Variants in AQR observed in about 807,000 individuals in gnomAD.
AQR encodes the protein RNA helicase aquarius.
A neutral mutation model predicts 180.5 loss-of-function variants in AQR; 61 were observed. The ratio of observed to expected loss-of-function variants is 0.34; its 90% CI spans 0.28 to 0.42. The LOEUF is 0.42. Ranked by LOEUF, AQR falls within the 10% of genes least tolerant of loss-of-function variation. The pLI is 1.00. For synonymous variants in AQR, 551 were observed against 588.8 expected (o/e 0.94, Z 0.93); for missense variants, 1,281 against 1,798.3 (o/e 0.71, Z 5.20).
rs983355692 is a variant in AQR at position 34,855,585 on chromosome 15, A to C, written c.*1207T>G. The C allele has an allele frequency of 2.0e-5, 3 of 150,792 alleles. No individual in the cohort carries two copies. Among genetic ancestry groups the C allele is most frequent in the African/African-American group, 7.4e-5 (3 of 40,810 alleles). The allele number at this position is 150,792 out of a possible 1,614,324, so 9.3% of individuals were successfully genotyped here. ...CACCATGCCCAGGGACCTTGTAAGCAGAGGTCCCTTGTCAGAAAACATTAG... is the reference window on the plus strand; with the variant it reads ...CACCATGCCCAGGGACCTTGTAAGCCGAGGTCCCTTGTCAGAAAACATTAG... On this transcript the variant is annotated 3_prime_UTR_variant, in exon 35 of 35. Coordinates refer to ENST00000156471, the MANE Select transcript of AQR (RefSeq NM_014691.3).
At chr15:34,882,432 C>A in intron 27 of AQR, 70 bp downstream of exon 27, 1 of 1,339,918 alleles carries the variant, frequency 7.5e-7, no homozygotes, top group Non-Finnish European at 9.7e-7. Flanking sequence ...TAAATACGAA[C>A]TTCATAAGAA....
intron 16 of AQR, among the ~76,000 whole-genome samples, chr15:34,911,348 A>AT (rs1246468293): frequency 1.3e-5 from 2 of 152,098 alleles, no homozygotes; most frequent in Non-Finnish European, 2.9e-5. Context: ...CTGTTTTTTA[A>AT]TTTTTTGAGG....
At chr15:34,964,491 A>G in intron 1 of AQR, 1 of 674,962 alleles carries the variant, frequency 1.5e-6, no homozygotes, top group South Asian at 1.5e-5. Context: ...AGTGCTTTGC[A>G]CTACAACATG....
rs2050333636 is a variant in AQR at position 34,969,675 on chromosome 15, T to TTAAA, written c.-63_-62insTTTA. On this transcript the variant is annotated 5_prime_UTR_variant, in exon 1 of 35. Coordinates refer to ENST00000156471, the MANE Select transcript of AQR (RefSeq NM_014691.3). ...GGACCGCTCTGGGCAGCGGCAACCC[T>TTAAA]GGTCCACTTCCCTTAAGTTACTGCC... The TTAAA allele has an allele frequency of 6.5e-7, 1 of 1,546,560 alleles. No individual in the cohort carries two copies. Among genetic ancestry groups the TTAAA allele is most frequent in the Non-Finnish European group, 8.8e-7 (1 of 1,141,326 alleles).
intron 24 of AQR, among the ~76,000 whole-genome samples, chr15:34,889,916 A>G (rs1348336418): frequency 1.3e-5 from 2 of 152,226 alleles, no homozygotes; most frequent in Non-Finnish European, 2.9e-5. Flanking sequence ...TTGAACTGGC[A>G]GCATGAAAAA....
intron 12 of AQR, among the ~76,000 whole-genome samples, chr15:34,929,162 T>C (rs144624118): frequency 0.021 from 3,127 of 152,340 alleles, 114 homozygotes; most frequent in African/African-American, 0.071. Flanking sequence ...CTGATGATAG[T>C]TTCTTCTGCT....
intron 5 of AQR, among the ~76,000 whole-genome samples, chr15:34,946,477 A>G (rs1225284329): frequency 1.6e-4 from 12 of 75,324 alleles, no homozygotes; most frequent in Admixed American, 3.4e-4. Flanking sequence ...TCCAGGAGGG[A>G]GGTGGGGGGG....
intron 32 of AQR, 119 bp downstream of exon 32, chr15:34,867,405 A>G: frequency 1.3e-6 from 1 of 777,500 alleles, no homozygotes; most frequent in Non-Finnish European, 2.1e-6. Flanking sequence ...AAGCAGCAAA[A>G]GTTGCCTAGT....
At chr15:34,897,896 T>C (rs941556682) in intron 20 of AQR, among the ~76,000 whole-genome samples, 191 bp from the exon 21 acceptor site, 1 of 152,190 alleles carries the variant, frequency 6.6e-6, no homozygotes, top group Non-Finnish European at 1.5e-5. Context: ...AGTTTTCAAA[T>C]TTAAAAAAGT....
intron 5 of AQR, among the ~76,000 whole-genome samples, chr15:34,945,546 C>T (rs1156657967): frequency 6.6e-6 from 1 of 152,144 alleles, no homozygotes; most frequent in African/African-American, 2.4e-5. Context: ...CAGGTTATTC[C>T]CTGGCTCAAA....
intron 13 of AQR, among the ~76,000 whole-genome samples, chr15:34,923,514 C>T (rs1229189651): frequency 6.6e-6 from 1 of 152,058 alleles, no homozygotes; most frequent in Non-Finnish European, 1.5e-5. Context: ...GAAATCTTTG[C>T]ACAAACCCAC....
intron 12 of AQR, among the ~76,000 whole-genome samples, chr15:34,929,829 A>G (rs115704552): frequency 5.9e-5 from 9 of 152,364 alleles, no homozygotes; most frequent in African/African-American, 2.2e-4. Flanking sequence ...AGAACAAGAT[A>G]AGATCAGCAA....
intron 30 of AQR, among the ~76,000 whole-genome samples, chr15:34,871,930 T>C (rs1892824444): frequency 7.0e-6 from 1 of 142,920 alleles, no homozygotes; most frequent in Admixed American, 7.0e-5. Context: ...AAGAAGAAAG[T>C]AAAATAAGAA....
intron 16 of AQR, among the ~76,000 whole-genome samples, chr15:34,912,942 T>C (rs1040474350): frequency 6.6e-6 from 1 of 152,194 alleles, no homozygotes; most frequent in African/African-American, 2.4e-5. Flanking sequence ...ATCAATGGCT[T>C]GGTTAGTATT....
rs1892531854 is a variant in AQR at position 34,852,662 on chromosome 15, G to A, written c.*4130C>T. 6.6e-6 allele frequency: 1 copy of A among 152,186 alleles called. No individual in the cohort carries two copies. The highest frequency in any genetic ancestry group is 6.5e-5 in the Admixed American group (1 of 15,280). 9.4% of individuals were successfully genotyped at this position (152,186 alleles called of 1,614,324 possible). On this transcript the variant is annotated 3_prime_UTR_variant, in exon 35 of 35. Transcript: ENST00000156471. Reference sequence around the variant, plus strand: ...CATGATTCTTTCCAGTGGGACATCTGAGAGTCTTTAATTAGCTAACAGTGC... The same window carrying A: ...CATGATTCTTTCCAGTGGGACATCTAAGAGTCTTTAATTAGCTAACAGTGC...
intron 30 of AQR, among the ~76,000 whole-genome samples, chr15:34,871,184 C>T (rs561812196): frequency 2.3e-4 from 35 of 152,140 alleles, no homozygotes; most frequent in Admixed American, 2.0e-3. Flanking sequence ...GCTTAATATT[C>T]CTAAGACCAT....
At chr15:34,930,835 TTTTTTTTTTTTTTTG>T (rs1470485759) in intron 11 of AQR, among the ~76,000 whole-genome samples, 1 of 36,818 alleles carries the variant, frequency 2.7e-5, no homozygotes, top group Non-Finnish European at 7.7e-5. Flanking sequence ...TTTTTTTTTT[TTTTTTTTTTTTTTTG>T]GTCTGAGACG....
At chr15:34,939,045 T>C (rs1893985070) in intron 8 of AQR, among the ~76,000 whole-genome samples, 1 of 152,140 alleles carries the variant, frequency 6.6e-6, no homozygotes, top group Admixed American at 6.6e-5. Context: ...CACCTCCTTC[T>C]CTCACCGTGA....
At chr15:34,870,710 C>CA in intron 31 of AQR, 42 bp downstream of exon 31, 1 of 1,552,336 alleles carries the variant, frequency 6.4e-7, no homozygotes, top group Admixed American at 1.8e-5. Flanking sequence ...TCCATCTTGC[C>CA]AAAATGATGA....
Sources: gnomAD v4.1 joint callset for allele counts (sites outside exome capture counted in the v4.1 genomes callset) on GRCh38, gnomAD v4.1.1 for gene constraint, MANE v1.5 for transcripts, NCBI Gene and HGNC (gene_info 2026-07-23, HGNC 2026-07-21) for gene names.